The following ZFYVE28 variants were observed in gnomAD, a reference collection of about 807,000 sequenced individuals.
ZFYVE28 encodes lateral signaling target protein 2 homolog.
A neutral mutation model predicts 82.1 loss-of-function variants in ZFYVE28; 40 were observed. The observed-to-expected ratio is 0.49, with a 90% CI of 0.38 to 0.63. The LOEUF (loss-of-function observed/expected upper bound fraction) is 0.63. Among genes scored for constraint, ZFYVE28 ranks in the 30% least tolerant of loss-of-function variants. The probability of loss-of-function intolerance (pLI) is 0.00; values close to 1 mark genes in which losing one functional copy is unlikely to be tolerated. For missense variants in ZFYVE28, 1,321 were observed against 1,242.1 expected (o/e 1.06, Z -0.96); for synonymous variants, 612 against 546.1 (o/e 1.12, Z -1.68).
intron 1 of ZFYVE28, chr4:2,364,852 C>T: frequency 2.0e-6 from 2 of 985,510 alleles, no homozygotes; most frequent in Non-Finnish European, 2.4e-6. Flanking sequence ...AAAACCCCCA[C>T]GTCGCCGCGG....
At chr4:2,327,055 G>GCCTGGC (rs949347719) in intron 6 of ZFYVE28, among the ~76,000 whole-genome samples, 132 of 151,712 alleles carry the variant, frequency 8.7e-4, no homozygotes, top group African/African-American at 3.1e-3. Context: ...TTCAAGACCA[G>GCCTGGC]CCTGGCCAAT....
At chr4:2,350,375 A>G (rs1321505639) in intron 2 of ZFYVE28, among the ~76,000 whole-genome samples, 2 of 152,038 alleles carry the variant, frequency 1.3e-5, no homozygotes, top group Non-Finnish European at 2.9e-5. Flanking sequence ...GAGGCAGGAG[A>G]ATGGTGTGAA....
chr4:2,319,692 G>A (rs185688150), intron 7 of ZFYVE28, among the ~76,000 whole-genome samples: 21 of 152,286 alleles, frequency 1.4e-4, no homozygotes, highest in Admixed American at 3.9e-4. Flanking sequence ...GAAAGGCGTC[G>A]TGTTTTAAAA....
intron 1 of ZFYVE28, among the ~76,000 whole-genome samples, chr4:2,385,962 G>A (rs1302051429): frequency 2.6e-5 from 4 of 152,164 alleles, no homozygotes; most frequent in East Asian, 3.9e-4. Context: ...CACCGGGCTC[G>A]CTCTCATCCC....
intron 8 of ZFYVE28, among the ~76,000 whole-genome samples, chr4:2,301,727 C>CA (rs1715558381): frequency 6.6e-6 from 1 of 151,920 alleles, no homozygotes; most frequent in South Asian, 2.1e-4. Flanking sequence ...CTTATCCTGT[C>CA]AAAGAATTTC....
chr4:2,358,277 G>A lies in ZFYVE28; in HGVS notation c.40-4204C>T, dbSNP rs73799857. 3.8e-3 allele frequency among the ~76,000 whole-genome samples: 572 copies of A among 152,334 alleles called. 5 individuals are homozygous for A. Among genetic ancestry groups the A allele is most frequent in the African/African-American group, 0.013 (551 of 41,574 alleles). On this transcript the variant is annotated intron_variant, in intron 1 of 12. Transcript: ENST00000290974. ...TATCTGTGTGCATGTGAATATATGT[G>A]CAGGCATGGATGTGCATGCGTGTGT... is the stretch of plus-strand genomic sequence containing the variant.
intron 1 of ZFYVE28, among the ~76,000 whole-genome samples, chr4:2,412,030 A>C (rs907527265): frequency 7.9e-5 from 12 of 152,188 alleles, no homozygotes; most frequent in African/African-American, 2.9e-4. Flanking sequence ...GAGTGAGCAC[A>C]TGGCAGCATC....
chr4:2,399,038 GATCCA>G (rs1730837976), intron 1 of ZFYVE28, among the ~76,000 whole-genome samples: 1 of 143,646 alleles, frequency 7.0e-6, no homozygotes, highest in East Asian at 2.1e-4. Flanking sequence ...GGTGGGGTGA[GATCCA>G]GGGCACAAGC....
rs568590605 is a variant in ZFYVE28 at position 2,335,046 on chromosome 4, C to T, written c.701+659G>A. Among the ~76,000 whole-genome samples, 7 of 151,252 alleles carry T rather than the reference C, an allele frequency of 4.6e-5. No individual in the cohort carries two copies. The highest frequency in any genetic ancestry group is 2.1e-4 in the South Asian group (1 of 4,710). On this transcript the variant is annotated intron_variant, in intron 6 of 12. Transcript: ENST00000290974. The surrounding 1 kb of genome is among the most constrained non-coding windows in gnomAD (Gnocchi z 5.8). Reference sequence around the variant, plus strand: ...CAGAGACGCTAAGCAGGTGACCCCGCGCATCCTGCCTCGGTGGATTTCAGG... The same window carrying T: ...CAGAGACGCTAAGCAGGTGACCCCGTGCATCCTGCCTCGGTGGATTTCAGG...
intron 1 of ZFYVE28, among the ~76,000 whole-genome samples, chr4:2,399,083 A>AGGTGAGCTCCAGGGCACAAGCGTGG (rs1297197658): frequency 8.5e-6 from 1 of 117,500 alleles, no homozygotes; most frequent in Non-Finnish European, 1.7e-5. Flanking sequence ...CACAAGCGTG[A>AGGTGAGCTCCAGGGCACAAGCGTGG]AGGTGAGATC....
chr4:2,292,275 A>T (rs529367061), intron 8 of ZFYVE28, among the ~76,000 whole-genome samples: 1 of 152,216 alleles, frequency 6.6e-6, no homozygotes, highest in Non-Finnish European at 1.5e-5. Context: ...ACTCAGTGAG[A>T]CCCAGCTGGC....
chr4:2,309,223 C>T (rs972699077), intron 7 of ZFYVE28, among the ~76,000 whole-genome samples: 5 of 152,168 alleles, frequency 3.3e-5, no homozygotes, highest in South Asian at 2.1e-4. Context: ...TCTTTGCACA[C>T]GCCCCCTTCC....
At position 2,335,046 on chromosome 4, in the gene ZFYVE28, C is replaced by A. The variant is rs568590605; in HGVS notation, c.701+659G>T. 2.6e-5 allele frequency among the ~76,000 whole-genome samples: 4 copies of A among 151,132 alleles called. No homozygotes were observed. The highest frequency in any genetic ancestry group is 4.9e-5 in the African/African-American group (2 of 41,220). On this transcript the variant is annotated intron_variant, in intron 6 of 12. Transcript: ENST00000290974. This position sits in a 1 kb window ranked among gnomAD's most constrained non-coding sequence, Gnocchi z 5.8. ...CAGAGACGCTAAGCAGGTGACCCCG[C>A]GCATCCTGCCTCGGTGGATTTCAGG... is the stretch of plus-strand genomic sequence containing the variant.
At chr4:2,308,627 C>CGGAAAGAAAGAAAGAA (rs1716947693) in intron 7 of ZFYVE28, among the ~76,000 whole-genome samples, 1 of 79,522 alleles carries the variant, frequency 1.3e-5, no homozygotes, top group Non-Finnish European at 2.4e-5. Context: ...AGAAAGAAGA[C>CGGAAAGAAAGAAAGAA]AGAAAGAAAG....
chr4:2,290,965 C>T lies in ZFYVE28; in HGVS notation c.2051+13324G>A, dbSNP rs114919643. Among the ~76,000 whole-genome samples the T allele has an allele frequency of 9.3e-3, 1,419 of 152,272 alleles. 24 individuals carry two copies. Among genetic ancestry groups the T allele is most frequent in the African/African-American group, 0.029 (1,197 of 41,546 alleles). ...GAAACTATCCCTTTATGTTTTTCTT[C>T]GTAATTACATAAGCAATACATGTGC... On this transcript the variant is annotated intron_variant, in intron 8 of 12. Transcript: ENST00000290974.
At chr4:2,398,037 G>GC (rs1223648915) in intron 1 of ZFYVE28, among the ~76,000 whole-genome samples, 61 of 4,352 alleles carry the variant, frequency 0.014, no homozygotes, top group Admixed American at 0.079. Context: ...TGAGATGGGA[G>GC]GGGGGGTCCT....
chr4:2,360,249 C>T (rs924925158), intron 1 of ZFYVE28, among the ~76,000 whole-genome samples: 7 of 151,966 alleles, frequency 4.6e-5, no homozygotes, highest in African/African-American at 1.7e-4. Flanking sequence ...CATGCCATGA[C>T]GGGCACCACA....
intron 7 of ZFYVE28, among the ~76,000 whole-genome samples, chr4:2,316,762 G>A (rs1194968170): frequency 5.3e-5 from 8 of 150,078 alleles, no homozygotes; most frequent in East Asian, 2.0e-4. Flanking sequence ...GTGCAATCTC[G>A]GCTCACTGCA....
At chr4:2,384,694 T>C (rs1729068690) in intron 1 of ZFYVE28, among the ~76,000 whole-genome samples, 3 of 152,016 alleles carry the variant, frequency 2.0e-5, no homozygotes, top group South Asian at 4.1e-4. Flanking sequence ...AGGGGGAGCA[T>C]GGAAACACAC....
Sources: allele counts gnomAD v4.1 joint callset (sites outside exome capture counted in the v4.1 genomes callset), GRCh38; gene constraint gnomAD v4.1.1; non-coding constraint Gnocchi (gnomAD v3.1); transcripts MANE v1.5; gene names NCBI Gene and HGNC (gene_info 2026-07-23, HGNC 2026-07-21).